The following SLC35F3 variants were observed in gnomAD, a reference collection of about 807,000 sequenced individuals.
The protein encoded by SLC35F3 is solute carrier family 35 member F3, also known as putative thiamine transporter SLC35F3.
A neutral mutation model predicts 49.9 loss-of-function variants in SLC35F3; 25 were observed. The observed-to-expected ratio is 0.50, with a 90% CI of 0.37 to 0.70. The LOEUF (loss-of-function observed/expected upper bound fraction) is 0.70. Among genes scored for constraint, SLC35F3 ranks in the 30% least tolerant of loss-of-function variants. SLC35F3 has a pLI of 0.00. For missense variants in SLC35F3, 525 were observed against 639.8 expected (o/e 0.82, Z 1.94); for synonymous variants, 275 against 265.4 (o/e 1.04, Z -0.35).
In SLC35F3 at chr1:234,143,288, C is replaced by CTTTTCTTTTCTTTTCTTT. The variant is rs1478216426; in HGVS notation, c.284-88125_284-88124insCTTTTCTTTTCTTTTTTT. Among the ~76,000 whole-genome samples the CTTTTCTTTTCTTTTCTTT allele has an allele frequency of 2.4e-5, 3 of 123,534 alleles. No individual in the cohort carries two copies. The East Asian group carries it at 9.2e-4, about 38-fold the overall frequency. The allele number at this position is 123,534 out of a possible 152,430, so 81.0% of individuals were successfully genotyped here. A position where few individuals can be genotyped will look rare whatever the true frequency, so the allele number is the denominator to read the frequency against. On this transcript the variant is annotated intron_variant, in intron 2 of 7. Coordinates refer to ENST00000366618, the MANE Select transcript of SLC35F3 (RefSeq NM_173508.4). Reference sequence around the variant, plus strand: ...GAGTTTGACTCTTTTCTTTTCTTTTCTTTTTTTTTTTTTTTTTGAGATAAA... The same window carrying CTTTTCTTTTCTTTTCTTT: ...GAGTTTGACTCTTTTCTTTTCTTTTCTTTTCTTTTCTTTTCTTTTTTTTTTTTTTTTTTTTGAGATAAA...
intron 2 of SLC35F3, among the ~76,000 whole-genome samples, chr1:233,983,319 G>A (rs949463741): frequency 2.1e-4 from 32 of 151,838 alleles, no homozygotes; most frequent in African/African-American, 6.5e-4. Flanking sequence ...ATCCTTCATC[G>A]AGCTCGGGAA....
At chr1:234,164,955 A>G (rs1666291078) in intron 2 of SLC35F3, among the ~76,000 whole-genome samples, 1 of 151,906 alleles carries the variant, frequency 6.6e-6, no homozygotes, top group African/African-American at 2.4e-5. Flanking sequence ...AAATGACTGT[A>G]GTACCAACAT....
intron 2 of SLC35F3, among the ~76,000 whole-genome samples, chr1:233,906,140 C>T (rs142526898): frequency 2.0e-5 from 3 of 152,202 alleles, no homozygotes; most frequent in Non-Finnish European, 4.4e-5. Context: ...TCAGGTCTCA[C>T]CAGGCTCAGA....
intron 3 of SLC35F3, among the ~76,000 whole-genome samples, chr1:234,243,659 G>A (rs1167313204): frequency 6.6e-6 from 1 of 152,190 alleles, no homozygotes; most frequent in Non-Finnish European, 1.5e-5. Flanking sequence ...CAAGCCCCCA[G>A]CTCTCAGGAG....
intron 2 of SLC35F3, among the ~76,000 whole-genome samples, chr1:234,221,186 A>T (rs949624305): frequency 6.6e-6 from 1 of 152,038 alleles, no homozygotes; most frequent in Non-Finnish European, 1.5e-5. Context: ...TGCCAGCCAG[A>T]TTGCAAGGGT....
Position 233,951,979 on chromosome 1 carries a change from C to T in SLC35F3, c.283+46221C>T, listed in dbSNP as rs77715934. ...TATATATATGTTGGTTCTCCTTTGC[C>T]TGTCTTTCACATCTATCATTTTTTT... On this transcript the variant is annotated intron_variant, in intron 2 of 7. Transcript: ENST00000366618. Among the ~76,000 whole-genome samples the T allele has an allele frequency of 2.5e-3, 384 of 151,610 alleles. 1 individual carries two copies. The highest frequency in any genetic ancestry group is 9.1e-3 in the African/African-American group (373 of 40,982).
intron 2 of SLC35F3, among the ~76,000 whole-genome samples, chr1:233,933,119 C>T (rs1365050802): frequency 1.3e-5 from 2 of 149,296 alleles, no homozygotes; most frequent in Non-Finnish European, 3.0e-5. Flanking sequence ...CATTATTTTA[C>T]TACTTATTTG....
chr1:233,990,178 G>T (rs1427561114), intron 2 of SLC35F3, among the ~76,000 whole-genome samples: 1 of 151,944 alleles, frequency 6.6e-6, no homozygotes, highest in African/African-American at 2.4e-5. Flanking sequence ...TAAAATATAT[G>T]TTTTAGCGGT....
At chr1:234,196,945 A>G (rs574667187) in intron 2 of SLC35F3, among the ~76,000 whole-genome samples, 12 of 151,838 alleles carry the variant, frequency 7.9e-5, no homozygotes, top group Admixed American at 2.6e-4. Flanking sequence ...CCATATTGGG[A>G]AAAAAAAAGA....
intron 2 of SLC35F3, among the ~76,000 whole-genome samples, chr1:234,176,719 C>T (rs567169181): frequency 9.7e-4 from 147 of 152,284 alleles, no homozygotes; most frequent in African/African-American, 2.6e-3. Flanking sequence ...ATAAAAAATG[C>T]AAGTCCCTGG....
chr1:233,974,529 A>G (rs1011965555), intron 2 of SLC35F3, among the ~76,000 whole-genome samples: 1 of 152,178 alleles, frequency 6.6e-6, no homozygotes, highest in African/African-American at 2.4e-5. Context: ...ACTGGAAACC[A>G]AATTGTGTTC....
intron 3 of SLC35F3, among the ~76,000 whole-genome samples, chr1:234,256,205 T>G (rs892384718): frequency 1.3e-5 from 2 of 152,206 alleles, no homozygotes; most frequent in Non-Finnish European, 2.9e-5. Context: ...TTTCAAAATA[T>G]AGTTTACCAA....
intron 2 of SLC35F3, among the ~76,000 whole-genome samples, chr1:234,158,529 A>C (rs1475323829): frequency 6.6e-6 from 1 of 152,204 alleles, no homozygotes; most frequent in East Asian, 1.9e-4. Context: ...ATCATTTTTC[A>C]TCACTGTCTA....
At chr1:234,029,117 G>A (rs1414276832) in intron 2 of SLC35F3, among the ~76,000 whole-genome samples, 1 of 152,160 alleles carries the variant, frequency 6.6e-6, no homozygotes, top group Non-Finnish European at 1.5e-5. Context: ...TTTCTGCCCA[G>A]TGAGCTTGGG....
intron 2 of SLC35F3, among the ~76,000 whole-genome samples, chr1:234,175,079 C>T (rs1388657575): frequency 1.3e-5 from 2 of 152,180 alleles, no homozygotes; most frequent in Non-Finnish European, 2.9e-5. Flanking sequence ...TTAGAATTTG[C>T]TTAGGCTCAG....
chr1:234,178,461 G>GAA (rs35770557), intron 2 of SLC35F3, among the ~76,000 whole-genome samples: 11,119 of 140,902 alleles, frequency 0.079, 1,179 homozygotes, highest in African/African-American at 0.25. Flanking sequence ...CTCTCCTAAG[G>GAA]AAAAAAAAAA....
intron 2 of SLC35F3, among the ~76,000 whole-genome samples, chr1:234,161,381 A>AC (rs146076295): frequency 0.017 from 2,595 of 152,266 alleles, 54 homozygotes; most frequent in African/African-American, 0.053. Context: ...GGTTGATGCT[A>AC]CACTGCACTT....
At chr1:234,222,514 C>G (rs1003322254) in intron 2 of SLC35F3, among the ~76,000 whole-genome samples, 2 of 152,210 alleles carry the variant, frequency 1.3e-5, no homozygotes, top group Admixed American at 1.3e-4. Context: ...ACCCACACCT[C>G]TTCTGATTAG....
At chr1:234,123,184 CATT>C (rs1275302358) in intron 2 of SLC35F3, among the ~76,000 whole-genome samples, 1 of 152,114 alleles carries the variant, frequency 6.6e-6, no homozygotes, top group East Asian at 1.9e-4. Flanking sequence ...GAGGGTATCT[CATT>C]GTGGTTTGGA....
Sources: gnomAD v4.1 joint callset for allele counts (sites outside exome capture counted in the v4.1 genomes callset) on GRCh38, gnomAD v4.1.1 for gene constraint, MANE v1.5 for transcripts, NCBI Gene and HGNC (gene_info 2026-07-23, HGNC 2026-07-21) for gene names.